The following EYS variants were observed in gnomAD, a reference collection of about 807,000 sequenced individuals.
EYS encodes EGF-like photoreceptor maintenance factor, also known as protein eyes shut homolog.
EYS carries 250 observed loss-of-function variants against 282.1 expected under a neutral mutation model. The ratio of observed to expected loss-of-function variants is 0.89; its 90% CI spans 0.80 to 0.98. The LOEUF (loss-of-function observed/expected upper bound fraction) is 0.98. Ranked by LOEUF, EYS falls within the 50% of genes least tolerant of loss-of-function variation. EYS has a pLI of 0.00. For synonymous variants in EYS, 1,355 were observed against 1,282.9 expected (o/e 1.06, Z -1.20); for missense variants, 4,016 against 3,709.0 (o/e 1.08, Z -2.15).
chr6:65,126,320 T>C (rs771023536), intron 12 of EYS, among the ~76,000 whole-genome samples: 1 of 152,146 alleles, frequency 6.6e-6, no homozygotes, highest in African/African-American at 2.4e-5. Context: ...TCAGAACTAA[T>C]CAAGTAAAAC....
chr6:65,575,867 T>C (rs1217892293), intron 2 of EYS, among the ~76,000 whole-genome samples: 1 of 152,002 alleles, frequency 6.6e-6, no homozygotes, highest in African/African-American at 2.4e-5. Context: ...CCTAGACACA[T>C]ACAAAATACC....
At chr6:64,593,864 GA>G (rs1048174229) in intron 24 of EYS, among the ~76,000 whole-genome samples, 2 of 152,078 alleles carry the variant, frequency 1.3e-5, no homozygotes, top group African/African-American at 4.8e-5. Flanking sequence ...TTCACATGAA[GA>G]AACTGTGAAT....
intron 14 of EYS, among the ~76,000 whole-genome samples, chr6:64,985,877 C>A (rs1770842950): frequency 6.6e-6 from 1 of 151,400 alleles, no homozygotes; most frequent in Admixed American, 6.6e-5. Flanking sequence ...GGCCTCAGCT[C>A]TTTAGATATA....
intron 5 of EYS, among the ~76,000 whole-genome samples, chr6:65,427,105 CT>C: frequency 6.6e-6 from 1 of 151,986 alleles, no homozygotes; most frequent in Non-Finnish European, 1.5e-5. Flanking sequence ...CCCCCTGAAG[CT>C]TTTTCTTTAA....
At chr6:65,574,878 G>A (rs1465108218) in intron 2 of EYS, among the ~76,000 whole-genome samples, 2 of 152,096 alleles carry the variant, frequency 1.3e-5, no homozygotes, top group African/African-American at 2.4e-5. Context: ...CACAAAAGAA[G>A]TCTTAACAAA....
chr6:65,015,548 A>AT (rs1009146937), intron 13 of EYS, among the ~76,000 whole-genome samples: 1 of 152,182 alleles, frequency 6.6e-6, no homozygotes, highest in Admixed American at 6.5e-5. Flanking sequence ...TGTATCTAAA[A>AT]ATATATATAA....
At chr6:65,638,651 G>C (rs889943335) in intron 2 of EYS, among the ~76,000 whole-genome samples, 5 of 152,202 alleles carry the variant, frequency 3.3e-5, no homozygotes, top group African/African-American at 1.2e-4. Flanking sequence ...CACCTGTGCC[G>C]GTGCCTGGAG....
chr6:65,440,970 CAG>C (rs1026659289), intron 5 of EYS, among the ~76,000 whole-genome samples: 8 of 144,422 alleles, frequency 5.5e-5, no homozygotes, highest in African/African-American at 2.0e-4. Flanking sequence ...TATATTTAAA[CAG>C]TGTATATATA....
intron 12 of EYS, among the ~76,000 whole-genome samples, chr6:65,176,307 C>T (rs183175101): frequency 5.5e-4 from 83 of 151,632 alleles, no homozygotes; most frequent in Middle Eastern, 3.4e-3. Context: ...TTATGCATAG[C>T]TAAATGTATA....
chr6:63,903,291 T>G (rs532497592), intron 35 of EYS, among the ~76,000 whole-genome samples: 4 of 152,086 alleles, frequency 2.6e-5, no homozygotes, highest in Middle Eastern at 6.8e-3. Flanking sequence ...GGTAGGAAGG[T>G]CATCAAGCTG....
intron 32 of EYS, among the ~76,000 whole-genome samples, chr6:64,075,656 A>T (rs1250408843): frequency 6.6e-6 from 1 of 151,934 alleles, no homozygotes; most frequent in Non-Finnish European, 1.5e-5. Context: ...AACATTCGTA[A>T]CACCTCTCAG....
At chr6:63,923,278 T>C (rs1240241619) in intron 35 of EYS, among the ~76,000 whole-genome samples, 1 of 152,234 alleles carries the variant, frequency 6.6e-6, no homozygotes, top group Non-Finnish European at 1.5e-5. Context: ...GTGTTCTTTT[T>C]TCAAGAACAT....
At chr6:63,916,215 C>A (rs1764418469) in intron 35 of EYS, among the ~76,000 whole-genome samples, 1 of 152,208 alleles carries the variant, frequency 6.6e-6, no homozygotes, top group South Asian at 2.1e-4. Flanking sequence ...AGACCCTCTA[C>A]CTGCGGAAAG....
At chr6:65,137,228 C>T (rs144104804) in intron 12 of EYS, among the ~76,000 whole-genome samples, 1 of 152,188 alleles carries the variant, frequency 6.6e-6, no homozygotes, top group Non-Finnish European at 1.5e-5. Context: ...GAGAAATTCA[C>T]TCTAGTTTCT....
rs748279166 is a variant in EYS, at chr6:64,230,677, T to G, written c.6339A>C (p.Thr2113=). The stretch of plus-strand genomic sequence containing the variant: ...CACTGGAGAGGAAGATGGCATGGCA[T>G]GTGCCTCCATTGTGGCATACATCCT... ...CQQDVCHNGG[T]CHAIFLSSGI... Residue 2113 remains threonine (T), a synonymous_variant, in exon 31 of 43, where the codon ACA becomes ACC. Transcript: ENST00000503581. The G allele has an allele frequency of 6.4e-7, 1 of 1,551,464 alleles. No individual in the cohort carries two copies. The highest frequency in any genetic ancestry group is 8.7e-7 in the Non-Finnish European group (1 of 1,146,898).
chr6:64,925,062 C>T (rs368722157), intron 15 of EYS, among the ~76,000 whole-genome samples: 40 of 152,130 alleles, frequency 2.6e-4, no homozygotes, highest in African/African-American at 8.7e-4. Flanking sequence ...AAGATATACC[C>T]GAGACTGGGA....
chr6:64,547,541 G>A (rs1764918837), intron 26 of EYS, among the ~76,000 whole-genome samples: 1 of 152,352 alleles, frequency 6.6e-6, no homozygotes, highest in South Asian at 2.1e-4. Flanking sequence ...ACAGGTTGCT[G>A]ATTGGTGTGT....
intron 12 of EYS, among the ~76,000 whole-genome samples, chr6:65,119,798 T>C (rs992964280): frequency 2.0e-5 from 3 of 151,452 alleles, no homozygotes; most frequent in African/African-American, 7.3e-5. Context: ...GCCTGGAAGG[T>C]AGTGGCTGAG....
chr6:64,675,633 T>G (rs1239144449), intron 22 of EYS, among the ~76,000 whole-genome samples: 2 of 152,060 alleles, frequency 1.3e-5, no homozygotes, highest in South Asian at 4.2e-4. Context: ...TTTCACCATG[T>G]TGGCTAGGCT....
Sources: allele counts gnomAD v4.1 joint callset (sites outside exome capture counted in the v4.1 genomes callset), GRCh38; gene constraint gnomAD v4.1.1; transcripts MANE v1.5; gene names NCBI Gene and HGNC (gene_info 2026-07-23, HGNC 2026-07-21).